Variants in ZNF541 observed in about 807,000 individuals in gnomAD.
The protein encoded by ZNF541 is zinc finger protein 541.
In ZNF541, 23 loss-of-function variants were observed where a neutral mutation model predicts 123.5. The ratio of observed to expected loss-of-function variants is 0.19; its 90% CI spans 0.13 to 0.26. The LOEUF (loss-of-function observed/expected upper bound fraction) is 0.26, where lower values mean the gene tolerates loss of function less well. Ranked by LOEUF, ZNF541 falls within the 10% of genes least tolerant of loss-of-function variation. ZNF541 has a pLI of 1.00. For missense variants in ZNF541, 1,612 were observed against 1,789.9 expected (o/e 0.90, Z 1.79); for synonymous variants, 751 against 754.5 (o/e 1.00, Z 0.08).
chr19:47,544,056 C>G, intron 5 of ZNF541, 70 bp downstream of exon 5: 2 of 1,442,928 alleles, frequency 1.4e-6, no homozygotes, highest in Non-Finnish European at 1.8e-6. Context: ...AAATAAAATG[C>G]CTGGACAACT....
chr19:47,570,147 G>A (rs904206711), intron 2 of ZNF541, among the ~76,000 whole-genome samples: 1 of 151,440 alleles, frequency 6.6e-6, no homozygotes, highest in Non-Finnish European at 1.5e-5. Flanking sequence ...GGTAGCGGGT[G>A]CCTGTTGTCC....
At chr19:47,536,867 G>T (rs1969847003) in intron 9 of ZNF541, among the ~76,000 whole-genome samples, 1 of 152,134 alleles carries the variant, frequency 6.6e-6, no homozygotes, top group Non-Finnish European at 1.5e-5. Context: ...AAACAAAATG[G>T]GGCCCATCTG....
Position 47,545,612 on chromosome 19 carries a change from G to C in ZNF541, c.917C>G (p.Ala306Gly), listed in dbSNP as rs933758599. Residue 306 changes from alanine to glycine, a missense_variant, in exon 5 of 17, where the codon GCC becomes GGC. Ala to Gly is a moderately conservative substitution (Grantham distance 60). Around this residue, in one of 5 missense-constraint regions of ZNF541, gnomAD observed 1,080 missense variants for 1,013.8 expected, o/e 1.07. Transcript: ENST00000391901. This position sits in a 1 kb window ranked among gnomAD's most constrained non-coding sequence, Gnocchi z 7.5. ...GASDSEGRNT[A>G]CPCPASSGSS... ...CCCCGATGAGGCGGGGCAGGGACAG[G>C]CAGTGTTCCTCCCTTCGCTGTCTGA... is the stretch of plus-strand genomic sequence containing the variant. 43 of 1,549,810 alleles carry C rather than the reference G, an allele frequency of 2.8e-5. No individual in the cohort carries two copies. Among genetic ancestry groups the C allele is most frequent in the Non-Finnish European group, 3.6e-5 (41 of 1,146,362 alleles).
Position 47,539,730 on chromosome 19 carries a change from G to A in ZNF541, c.2771C>T (p.Thr924Ile). The A allele has an allele frequency of 1.4e-6, 2 of 1,441,518 alleles. No homozygotes were observed. Among genetic ancestry groups the A allele is most frequent in the Non-Finnish European group, 1.8e-6 (2 of 1,101,750 alleles). 89.3% of individuals were successfully genotyped at this position (1,441,518 alleles called of 1,614,324 possible). ...VPQSIPVVPV[T>I]RHIGSMAMGQ... ...CATGGCCATGCTCCCTATGTGTCGG[G>A]TCACTGGAACCACGGGGATCGATTG... The change falls in exon 8 of 17, where the codon ACC becomes ATC. Residue 924 changes from threonine (T) to isoleucine (I), a missense_variant. Physicochemically the swap from Thr to Ile is moderately conservative, Grantham distance 89 (BLOSUM62 -1). Coordinates refer to ENST00000391901, the MANE Select transcript of ZNF541 (RefSeq NM_001277075.3).
At chr19:47,548,519 C>T (rs1295063915) in intron 4 of ZNF541, among the ~76,000 whole-genome samples, 2 of 151,826 alleles carry the variant, frequency 1.3e-5, no homozygotes, top group Non-Finnish European at 2.9e-5. Flanking sequence ...AAGCAGGCGT[C>T]TCATCTTTCC....
chr19:47,544,528 A>G lies in ZNF541; in HGVS notation c.2001T>C (p.Pro667=), dbSNP rs1247072925. The change falls in exon 5 of 17, where the codon CCT becomes CCC. Residue 667 remains proline (P), a synonymous_variant. Coordinates refer to ENST00000391901, the MANE Select transcript of ZNF541 (RefSeq NM_001277075.3). ...PTPLAAPSLD[P]SRNPDISSLA... ...GAGAAGAGATGTCTGGATTCCTGGA[A>G]GGGTCCAGAGACGGTGCTGCAAGGG... 6.4e-7 allele frequency: 1 copy of G among 1,551,584 alleles called. No homozygotes were observed. Among genetic ancestry groups the G allele is most frequent in the Admixed American group, 2.0e-5 (1 of 50,992 alleles).
In ZNF541 at chr19:47,544,769, G is replaced by C; in HGVS notation, c.1760C>G (p.Pro587Arg). The C allele has an allele frequency of 6.6e-7, 1 of 1,510,214 alleles. No homozygotes were observed. Among genetic ancestry groups the C allele is most frequent in the South Asian group, 1.2e-5 (1 of 80,524 alleles). The allele number at this position is 1,510,214 out of a possible 1,614,324, so 93.6% of individuals were successfully genotyped here. A position where few individuals can be genotyped will look rare whatever the true frequency, so the allele number is the denominator to read the frequency against. ...CCCCTGCAGCGGCCTCAGGGCGGCT[G>C]GTTTGCCCTCGGGCGCAGGGAGCTG... Reference protein sequence around the residue: ...SSQLPAPEGKPAALRPLQGPW... With the variant: ...SSQLPAPEGKRAALRPLQGPW... The change falls in exon 5 of 17, where the codon CCA becomes CGA. Residue 587 changes from proline (P) to arginine (R), a missense_variant. By Grantham distance (103) the Pro-to-Arg change is moderately radical. Around this residue, in one of 5 missense-constraint regions of ZNF541, gnomAD observed 1,080 missense variants for 1,013.8 expected, o/e 1.07. Transcript: ENST00000391901.
intron 9 of ZNF541, among the ~76,000 whole-genome samples, chr19:47,534,059 G>C (rs917495794): frequency 2.0e-5 from 3 of 152,158 alleles, no homozygotes; most frequent in African/African-American, 7.2e-5. Flanking sequence ...ATATCATTAA[G>C]AGGTAGAAAT....
rs144546731 is a variant in ZNF541 at position 47,548,955 on chromosome 19, T to C, written c.548+290A>G. ...TTAGCTGGGTGTGGTGGCGGGCGCT[T>C]GTAATCCTAGCTACTCAGGAGGCTG... On this transcript the variant is annotated intron_variant, in intron 4 of 16. Transcript: ENST00000391901. Among the ~76,000 whole-genome samples, 827 of 151,658 alleles carry C rather than the reference T, an allele frequency of 5.5e-3. 5 individuals carry two copies. Among genetic ancestry groups the C allele is most frequent in the Non-Finnish European group, 9.4e-3 (642 of 67,944 alleles).
chr19:47,538,401 C>A lies in ZNF541; in HGVS notation c.2835G>T (p.Glu945Asp). 1 of 1,540,896 alleles carries A rather than the reference C, an allele frequency of 6.5e-7. No homozygotes were observed. The highest frequency in any genetic ancestry group is 1.2e-5 in the South Asian group (1 of 82,292). ...EKDGEERDSK[E>D]SSQQRKRKKR... Reference sequence around the variant, plus strand: ...TCTTCCGCTTTCTCTGCTGGCTGCTCTCCTTGCTGTCTCGCTCCTCCCCGT... The same window carrying A: ...TCTTCCGCTTTCTCTGCTGGCTGCTATCCTTGCTGTCTCGCTCCTCCCCGT... The change falls in exon 9 of 17, where the codon GAG (glutamate) becomes GAT (aspartate). Residue 945 changes from glutamate (E) to aspartate (D), a missense_variant. Physicochemically the swap from Glu to Asp is conservative, Grantham distance 45. Coordinates refer to ENST00000391901, the MANE Select transcript of ZNF541 (RefSeq NM_001277075.3).
chr19:47,545,671 C>A lies in ZNF541; in HGVS notation c.858G>T (p.Lys286Asn), dbSNP rs1043395793. 8 of 1,548,984 alleles carry A rather than the reference C, an allele frequency of 5.2e-6. No individual in the cohort carries two copies. The African/African-American group carries it at 1.1e-4, about 21-fold the overall frequency. The stretch of plus-strand genomic sequence containing the variant: ...CCGGGGCTGGGCCAGGAGAAGGGGT[C>A]TTCTGGTGGACGATGCTACTCACGA... ...RRIVSSIVHQ[K>N]TPSPGPAPAG... Residue 286 changes from lysine to asparagine, a missense_variant, in exon 5 of 17, where the codon AAG becomes AAT. Around this residue, in one of 5 missense-constraint regions of ZNF541, gnomAD observed 1,080 missense variants for 1,013.8 expected, o/e 1.07. Transcript: ENST00000391901. The surrounding 1 kb of genome is among the most constrained non-coding windows in gnomAD (Gnocchi z 7.5).
At position 47,529,020 on chromosome 19, in the gene ZNF541, G is replaced by A; in HGVS notation, c.3500C>T (p.Pro1167Leu). 1 of 1,551,544 alleles carries A rather than the reference G, an allele frequency of 6.4e-7. No individual in the cohort carries two copies. Among genetic ancestry groups the A allele is most frequent in the Non-Finnish European group, 8.7e-7 (1 of 1,146,896 alleles). ...CTTCTTAAAAAGCCTCTTCTCTATA[G>A]GGGTCCAGACGTCTGAACCTATCAA... The part of the protein sequence containing the change: ...YRYTGSDVWT[P>L]IEKRLFKKAF... The change falls in exon 14 of 17, where the codon CCT (proline) becomes CTT (leucine). Residue 1167 changes from proline to leucine, a missense_variant. Physicochemically the swap from Pro to Leu is moderately conservative, Grantham distance 98 (BLOSUM62 -3). Around this residue, in one of 5 missense-constraint regions of ZNF541, gnomAD observed 285 missense variants for 407.3 expected, o/e 0.70. Coordinates refer to ENST00000391901, the MANE Select transcript of ZNF541 (RefSeq NM_001277075.3).
chr19:47,561,546 C>T (rs936051749), intron 2 of ZNF541, among the ~76,000 whole-genome samples: 1 of 152,044 alleles, frequency 6.6e-6, no homozygotes, highest in Non-Finnish European at 1.5e-5. Context: ...AGGGTGGGCA[C>T]ATGTTTGGAA....
rs763600176 is a variant in ZNF541, at chr19:47,544,875, G to A, written c.1654C>T (p.His552Tyr). ...ATCTGGAACACCTGCATCTGCTCGT[G>A]GCTCACAAGAGGTTCCTGCGACTTG... is the stretch of plus-strand genomic sequence containing the variant. ...FLKSQEPLVS[H>Y]EQMQVFQMIT... Residue 552 changes from histidine (H) to tyrosine (Y), a missense_variant, in exon 5 of 17, where the codon CAC becomes TAC. Physicochemically the swap from His to Tyr is moderately conservative, Grantham distance 83 (BLOSUM62 2). This residue lies in a region of ZNF541 where 1,080 missense variants were observed against 1,013.8 expected (regional missense o/e 1.07). Transcript: ENST00000391901. 1.4e-5 allele frequency: 21 copies of A among 1,536,112 alleles called. No homozygotes were observed. Among genetic ancestry groups the A allele is most frequent in the East Asian group, 2.4e-5 (1 of 40,908 alleles).
intron 3 of ZNF541, among the ~76,000 whole-genome samples, chr19:47,550,459 A>T (rs140036999): frequency 2.2e-4 from 33 of 152,192 alleles, no homozygotes; most frequent in African/African-American, 7.7e-4. Context: ...AAAGAAAGAA[A>T]GAATCAGATG....
chr19:47,572,938 G>T (rs1021872806), intron 1 of ZNF541, among the ~76,000 whole-genome samples, 145 bp downstream of exon 1: 1 of 151,746 alleles, frequency 6.6e-6, no homozygotes, highest in Admixed American at 6.6e-5. Flanking sequence ...TGCGCCCCTC[G>T]AAAGGCAGAT....
intron 8 of ZNF541, 58 bp downstream of exon 8, chr19:47,539,647 G>T: frequency 1.5e-6 from 2 of 1,371,360 alleles, no homozygotes; most frequent in Non-Finnish European, 1.9e-6. Flanking sequence ...TTTTTCCTAC[G>T]GCTTCCCCCA....
chr19:47,529,747 C>T (rs1414526559), intron 12 of ZNF541, 95 bp from the exon 13 acceptor site: 1 of 1,177,134 alleles, frequency 8.5e-7, no homozygotes, highest in African/African-American at 1.5e-5. Flanking sequence ...TGCGGCTGTC[C>T]CTGAAGACAC....
intron 12 of ZNF541, among the ~76,000 whole-genome samples, chr19:47,530,683 G>A (rs1239946070): frequency 4.0e-5 from 6 of 151,772 alleles, no homozygotes; most frequent in East Asian, 1.9e-4. Context: ...GTCTCACTCT[G>A]TTGCCCAGGC....
Sources: allele counts gnomAD v4.1 joint callset (sites outside exome capture counted in the v4.1 genomes callset), GRCh38; gene constraint gnomAD v4.1.1; regional missense constraint gnomAD v4.1.1; non-coding constraint Gnocchi (gnomAD v3.1); transcripts MANE v1.5; gene names NCBI Gene and HGNC (gene_info 2026-07-23, HGNC 2026-07-21).